KCTD16: variants seen among roughly 807,000 people sequenced by gnomAD.
The protein encoded by KCTD16 is potassium channel tetramerization domain containing 16, also known as BTB/POZ domain-containing protein KCTD16.
A neutral mutation model predicts 33.2 loss-of-function variants in KCTD16; 13 were observed. That is an observed-to-expected ratio of 0.39 (90% CI 0.25 to 0.62). The LOEUF is 0.62. Ranked by LOEUF, KCTD16 falls within the 20% of genes least tolerant of loss-of-function variation. The pLI is 0.50. For missense variants in KCTD16, 441 were observed against 525.1 expected, an observed-to-expected ratio of 0.84 and a Z score of 1.57; for synonymous variants, 197 against 195.3, an observed-to-expected ratio of 1.01 and a Z score of -0.07.
chr5:144,363,833 A>G (rs748286342), intron 3 of KCTD16, among the ~76,000 whole-genome samples: 2 of 151,354 alleles, frequency 1.3e-5, no homozygotes, highest in Non-Finnish European at 2.9e-5. Context: ...GCCTCTTTGA[A>G]CCTCTTTCCT....
At chr5:144,215,289 G>C (rs752866804) in intron 3 of KCTD16, among the ~76,000 whole-genome samples, 1 of 152,046 alleles carries the variant, frequency 6.6e-6, no homozygotes, top group African/African-American at 2.4e-5. Context: ...ATGTGACCAG[G>C]GTTTAAGGAG....
chr5:144,180,967 C>G (rs1242707181), intron 2 of KCTD16, among the ~76,000 whole-genome samples: 3 of 150,962 alleles, frequency 2.0e-5, no homozygotes, highest in African/African-American at 4.9e-5. Flanking sequence ...GAGTCTCGCT[C>G]TGTCGCCCAG....
intron 2 of KCTD16, among the ~76,000 whole-genome samples, chr5:144,179,477 C>A (rs1264901496): frequency 6.6e-6 from 1 of 152,216 alleles, no homozygotes; most frequent in Non-Finnish European, 1.5e-5. Context: ...GCTCCTCTCT[C>A]CCAGGCTGTG....
intron 3 of KCTD16, among the ~76,000 whole-genome samples, chr5:144,408,178 A>T (rs7732131): frequency 0.015 from 2,330 of 152,302 alleles, 54 homozygotes; most frequent in African/African-American, 0.053. Flanking sequence ...CGTTATTAAG[A>T]TCTCAATTAC....
intron 3 of KCTD16, among the ~76,000 whole-genome samples, chr5:144,404,640 CCAGTAGGT>C (rs1247079418): frequency 2.6e-5 from 4 of 152,058 alleles, no homozygotes; most frequent in Non-Finnish European, 1.5e-5. Flanking sequence ...ACAGGCAAAA[CCAGTAGGT>C]CTGTTCATTT....
chr5:144,402,342 AT>A (rs1752719993), intron 3 of KCTD16, among the ~76,000 whole-genome samples: 1 of 152,060 alleles, frequency 6.6e-6, no homozygotes, highest in Admixed American at 6.5e-5. Context: ...GGAAGCAATG[AT>A]CGCTTCCTTT....
At chr5:144,330,939 T>A (rs1752344122) in intron 3 of KCTD16, among the ~76,000 whole-genome samples, 1 of 152,186 alleles carries the variant, frequency 6.6e-6, no homozygotes, top group African/African-American at 2.4e-5. Context: ...GGGACTTTAA[T>A]AACAACGGAA....
At chr5:144,199,960 G>A (rs1349621156) in intron 2 of KCTD16, among the ~76,000 whole-genome samples, 1 of 151,780 alleles carries the variant, frequency 6.6e-6, no homozygotes, top group South Asian at 2.1e-4. Context: ...TGATCCGCCC[G>A]CTTCTGCCTC....
At chr5:144,240,980 G>A (rs916985729) in intron 3 of KCTD16, among the ~76,000 whole-genome samples, 3 of 151,950 alleles carry the variant, frequency 2.0e-5, no homozygotes, top group African/African-American at 7.3e-5. Flanking sequence ...AGCAAGGATG[G>A]GATCGAGACA....
intron 2 of KCTD16, among the ~76,000 whole-genome samples, chr5:144,200,336 G>A (rs1292028527): frequency 6.6e-6 from 1 of 152,182 alleles, no homozygotes; most frequent in African/African-American, 2.4e-5. Context: ...TGACTTGGCT[G>A]AACATCTGCT....
At chr5:144,364,385 T>C (rs1280122775) in intron 3 of KCTD16, among the ~76,000 whole-genome samples, 1 of 152,212 alleles carries the variant, frequency 6.6e-6, no homozygotes, top group Non-Finnish European at 1.5e-5. Flanking sequence ...CTTGGATGAA[T>C]TGAAAATAGG....
At chr5:144,306,553 G>T (rs1417765359) in intron 3 of KCTD16, among the ~76,000 whole-genome samples, 3 of 152,190 alleles carry the variant, frequency 2.0e-5, no homozygotes, top group Non-Finnish European at 4.4e-5. Flanking sequence ...TCTTTATCAT[G>T]CAGTGGGCTT....
At chr5:144,461,946 C>T in intron 3 of KCTD16, among the ~76,000 whole-genome samples, 1 of 152,208 alleles carries the variant, frequency 6.6e-6, no homozygotes, top group East Asian at 1.9e-4. Flanking sequence ...AACTTCCCCG[C>T]TCTCCAAAGT....
chr5:144,344,506 A>G (rs11742041), intron 3 of KCTD16, among the ~76,000 whole-genome samples: 178 of 152,076 alleles, frequency 1.2e-3, no homozygotes, highest in Non-Finnish European at 2.2e-3. Flanking sequence ...ACAAATTTAC[A>G]AGAAAAAAAC....
chr5:144,322,127 T>C (rs1161438020), intron 3 of KCTD16, among the ~76,000 whole-genome samples: 1 of 152,148 alleles, frequency 6.6e-6, no homozygotes, highest in East Asian at 1.9e-4. Flanking sequence ...ATTTTTTTTA[T>C]TGTCCTGAGT....
At chr5:144,209,817 TATATATATAA>T (rs1753312736) in intron 3 of KCTD16, among the ~76,000 whole-genome samples, 1 of 146,092 alleles carries the variant, frequency 6.8e-6, no homozygotes, top group African/African-American at 2.5e-5. Flanking sequence ...TATATGTGTG[TATATATATAA>T]ATATATATAT....
rs574670606 is a variant in KCTD16 at position 144,199,707 on chromosome 5, A to ATTT, written c.-326-6656_-326-6654dup. 1.8e-3 allele frequency among the ~76,000 whole-genome samples: 121 copies of ATTT among 67,722 alleles called. 4 individuals carry two copies. The highest frequency in any genetic ancestry group is 3.4e-3 in the African/African-American group (57 of 16,636). 44.4% of individuals were successfully genotyped at this position (67,722 alleles called of 152,430 possible). A position where few individuals can be genotyped will look rare whatever the true frequency, so the allele number is the denominator to read the frequency against. Reference sequence around the variant, plus strand: ...TGACCATTTGTTCCAGAACAGCTTCATTTTTTTTTTTTTTTTTTTTTTTTT... The same window carrying ATTT: ...TGACCATTTGTTCCAGAACAGCTTCATTTTTTTTTTTTTTTTTTTTTTTTTTTT... On this transcript the variant is annotated intron_variant, in intron 2 of 3. Coordinates refer to ENST00000512467, the MANE Select transcript of KCTD16 (RefSeq NM_020768.4).
chr5:144,406,062 T>C (rs1258658330), intron 3 of KCTD16, among the ~76,000 whole-genome samples: 3 of 152,194 alleles, frequency 2.0e-5, no homozygotes, highest in South Asian at 4.1e-4. Flanking sequence ...TTAAGTACCC[T>C]GTAAAGAAGG....
Position 144,413,523 on chromosome 5 carries a change from G to A in KCTD16, c.833-60137G>A, listed in dbSNP as rs565064530. 1.6e-4 allele frequency among the ~76,000 whole-genome samples: 25 copies of A among 152,250 alleles called. No individual in the cohort carries two copies. The South Asian group carries it at 5.0e-3, about 30-fold the overall frequency. On this transcript the variant is annotated intron_variant, in intron 3 of 3. Transcript: ENST00000512467. ...TGTTGACTTAGGGAAAAATGTTCAC[G>A]TGTATTTTTCAGGAATGTATCATCA...
Sources: gnomAD v4.1 joint callset for allele counts (sites outside exome capture counted in the v4.1 genomes callset) on GRCh38, gnomAD v4.1.1 for gene constraint, MANE v1.5 for transcripts, NCBI Gene and HGNC (gene_info 2026-07-23, HGNC 2026-07-21) for gene names.